Variants in ABI3BP observed in about 807,000 individuals in gnomAD.
ABI3BP encodes the protein ABI family member 3 binding protein, also known as target of Nesh-SH3.
A neutral mutation model predicts 268.6 loss-of-function variants in ABI3BP; 216 were observed. The ratio of observed to expected loss-of-function variants is 0.80; its 90% CI spans 0.72 to 0.90. The LOEUF (loss-of-function observed/expected upper bound fraction) is 0.90, where lower values mean the gene tolerates loss of function less well. Ranked by LOEUF, ABI3BP falls within the 40% of genes least tolerant of loss-of-function variation. The pLI, the probability that ABI3BP is intolerant of heterozygous loss-of-function variation, is 0.00. For synonymous variants in ABI3BP, 730 were observed against 730.0 expected, an observed-to-expected ratio of 1.00 and a Z score of 0.00; for missense variants, 2,090 against 2,182.4, an observed-to-expected ratio of 0.96 and a Z score of 0.84.
Position 100,832,364 on chromosome 3 carries a change from AT to A in ABI3BP, c.2315-15del. The A allele has an allele frequency of 6.5e-7, 1 of 1,534,908 alleles. No homozygotes were observed. Among genetic ancestry groups the A allele is most frequent in the South Asian group, 1.2e-5 (1 of 83,982 alleles). The stretch of plus-strand genomic sequence containing the variant: ...TTGTTGTTGGAGCTGAAGGAAGAAA[AT>A]TTAGGATTAATATGGTGCTGATGGC... On this transcript the variant is annotated splice_polypyrimidine_tract_variant and intron_variant, in intron 30 of 67. Coordinates refer to ENST00000471714, the MANE Select transcript of ABI3BP (RefSeq NM_001375547.2).
intron 59 of ABI3BP, 138 bp downstream of exon 59, chr3:100,778,146 A>C: frequency 1.3e-6 from 1 of 786,832 alleles, no homozygotes; most frequent in Non-Finnish European, 2.1e-6. Flanking sequence ...CATCATTTAC[A>C]GTGTCTAGTC....
chr3:100,864,736 G>T, intron 11 of ABI3BP, 97 bp downstream of exon 11: 1 of 837,858 alleles, frequency 1.2e-6, no homozygotes, highest in South Asian at 1.7e-5. Context: ...GGGAGGGAGA[G>T]AGAAGTTAAG....
In ABI3BP at chr3:100,846,684, G is replaced by C. The variant is rs1339659933; in HGVS notation, c.1649-238C>G. 9 of 340,728 alleles carry C rather than the reference G, an allele frequency of 2.6e-5. 1 individual carries two copies. Among genetic ancestry groups the C allele is most frequent in the Admixed American group, 2.2e-4 (5 of 22,908 alleles). The allele number at this position is 340,728 out of a possible 1,614,324, so 21.1% of individuals were successfully genotyped here. On this transcript the variant is annotated intron_variant, in intron 19 of 67. Transcript: ENST00000471714. ...AGAGTATATTTAATCAACAAATATA[G>C]CATTACTACTAAATAGTCACAGTAA...
rs139604715 is a variant in ABI3BP, at chr3:100,796,655, T to G, written c.3758-187A>C. On this transcript the variant is annotated intron_variant, in intron 51 of 67. Transcript: ENST00000471714. ...AAAAATGTTACCGTGCAGGGAAGGT[T>G]CTGGTGGCAGTGAAACAGAAACGAA... Among the ~76,000 whole-genome samples, 89 of 152,216 alleles carry G rather than the reference T, an allele frequency of 5.8e-4. No homozygotes were observed. In the Middle Eastern group the frequency reaches 0.017, roughly 29 times the overall value.
chr3:100,789,231 AT>A (rs1295733188), intron 56 of ABI3BP, among the ~76,000 whole-genome samples: 1 of 152,082 alleles, frequency 6.6e-6, no homozygotes, highest in Non-Finnish European at 1.5e-5. Context: ...AATCAATAAA[AT>A]TTCATAGTGA....
intron 40 of ABI3BP, among the ~76,000 whole-genome samples, chr3:100,819,501 T>A (rs1005425849): frequency 3.3e-5 from 5 of 152,172 alleles, no homozygotes; most frequent in African/African-American, 1.2e-4. Context: ...CAGAGTAAGA[T>A]GTGAAAAACA....
rs113762225 is a variant in ABI3BP, at chr3:100,979,054, G to A, written c.79+14252C>T. On this transcript the variant is annotated intron_variant, in intron 1 of 67. Transcript: ENST00000471714. The stretch of plus-strand genomic sequence containing the variant: ...TATCATCTGGGAACTTGTGAGAAAC[G>A]CAAATTATTCAAACCATCCCACCTC... Among the ~76,000 whole-genome samples, 1,289 of 152,240 alleles carry A rather than the reference G, an allele frequency of 8.5e-3. 13 individuals carry two copies. Among genetic ancestry groups the A allele is most frequent in the African/African-American group, 0.025 (1,018 of 41,520 alleles).
intron 1 of ABI3BP, among the ~76,000 whole-genome samples, chr3:100,944,213 A>G (rs990201723): frequency 6.6e-6 from 1 of 152,214 alleles, no homozygotes; most frequent in African/African-American, 2.4e-5. Flanking sequence ...AGATAAGTTT[A>G]ACTGTTTTTA....
chr3:100,901,835 T>C (rs1427152723), intron 3 of ABI3BP, among the ~76,000 whole-genome samples: 1 of 151,838 alleles, frequency 6.6e-6, no homozygotes, highest in Non-Finnish European at 1.5e-5. Context: ...AGATGCAACA[T>C]CAGATAGAAA....
chr3:100,782,150 T>C (rs996464810), intron 57 of ABI3BP, among the ~76,000 whole-genome samples: 2 of 152,168 alleles, frequency 1.3e-5, no homozygotes, highest in Admixed American at 6.5e-5. Context: ...CTGGCAAGCA[T>C]GTGTTATCCA....
intron 63 of ABI3BP, among the ~76,000 whole-genome samples, chr3:100,763,463 CAA>C (rs1418781949): frequency 2.6e-4 from 28 of 109,230 alleles, no homozygotes; most frequent in Non-Finnish European, 2.3e-4. Flanking sequence ...GACTCTGTCT[CAA>C]AAAAAAAAAA....
intron 62 of ABI3BP, among the ~76,000 whole-genome samples, chr3:100,767,158 T>C (rs897853380): frequency 5.3e-5 from 8 of 152,174 alleles, no homozygotes; most frequent in African/African-American, 1.4e-4. Flanking sequence ...CAGGCTGGTA[T>C]TGAACTTCTG....
Position 100,886,629 on chromosome 3 carries a change from C to T in ABI3BP, c.462-306G>A, listed in dbSNP as rs76641092. ...GAAAGTTGGAAAACACTAGAAAAAA[C>T]GTAGATATTACACTATGTATAATAT... On this transcript the variant is annotated intron_variant, in intron 4 of 67. Coordinates refer to ENST00000471714, the MANE Select transcript of ABI3BP (RefSeq NM_001375547.2). Among the ~76,000 whole-genome samples the T allele has an allele frequency of 5.5e-4, 84 of 151,926 alleles. No homozygotes were observed. In the East Asian group the frequency reaches 0.014, roughly 26 times the overall value.
intron 1 of ABI3BP, among the ~76,000 whole-genome samples, chr3:100,946,683 G>T (rs1440798349): frequency 6.6e-6 from 1 of 151,832 alleles, no homozygotes; most frequent in Non-Finnish European, 1.5e-5. Context: ...AGCTACTTGG[G>T]AGGCTAAGGC....
At chr3:100,752,285 TAGA>T (rs909853092) in intron 66 of ABI3BP, among the ~76,000 whole-genome samples, 1 of 152,210 alleles carries the variant, frequency 6.6e-6, no homozygotes, top group African/African-American at 2.4e-5. Flanking sequence ...GTTCAGCACT[TAGA>T]AGAGTTGAAT....
intron 59 of ABI3BP, among the ~76,000 whole-genome samples, chr3:100,776,717 G>A (rs181352267): frequency 2.0e-5 from 3 of 152,320 alleles, no homozygotes; most frequent in Admixed American, 2.0e-4. Flanking sequence ...GGGTGAGGGT[G>A]GAGAGCAGGG....
At chr3:100,827,537 T>G (rs1364097188) in intron 34 of ABI3BP, among the ~76,000 whole-genome samples, 1 of 152,184 alleles carries the variant, frequency 6.6e-6, no homozygotes, top group Non-Finnish European at 1.5e-5. Context: ...AACCTTTAGT[T>G]ATTTTAAATC....
chr3:100,852,764 A>C (rs935622459), intron 14 of ABI3BP, among the ~76,000 whole-genome samples: 1 of 152,182 alleles, frequency 6.6e-6, no homozygotes. Flanking sequence ...TAAATTTTCT[A>C]TTCTGTACAA....
chr3:100,749,596 A>G lies in ABI3BP; in HGVS notation c.*899T>C, dbSNP rs1377106404. ...AAGACATTCTCTGATACATTCATTC[A>G]TAGAGGTCTTAACGTATAAATACAT... On this transcript the variant is annotated 3_prime_UTR_variant, in exon 68 of 68. Coordinates refer to ENST00000471714, the MANE Select transcript of ABI3BP (RefSeq NM_001375547.2). The G allele has an allele frequency of 5.0e-6, 2 of 398,214 alleles. No individual in the cohort carries two copies. The highest frequency in any genetic ancestry group is 2.1e-5 in the African/African-American group (1 of 48,596). The allele number at this position is 398,214 out of a possible 1,614,324, so 24.7% of individuals were successfully genotyped here. A position where few individuals can be genotyped will look rare whatever the true frequency, so the allele number is the denominator to read the frequency against.
Sources: gnomAD v4.1 joint callset for allele counts (sites outside exome capture counted in the v4.1 genomes callset) on GRCh38, gnomAD v4.1.1 for gene constraint, MANE v1.5 for transcripts, NCBI Gene and HGNC (gene_info 2026-07-23, HGNC 2026-07-21) for gene names.